The following NAV2 variants were observed in gnomAD, a reference collection of about 807,000 sequenced individuals.
NAV2 encodes the protein neuron navigator 2.
Under a neutral mutation model 223.2 loss-of-function variants are expected in NAV2, and 54 were observed. The ratio of observed to expected loss-of-function variants is 0.24; its 90% CI spans 0.19 to 0.30. NAV2 has a LOEUF of 0.30. Ranked by LOEUF, NAV2 falls within the 10% of genes least tolerant of loss-of-function variation. The pLI is 1.00. For synonymous variants in NAV2, 1,279 were observed against 1,239.3 expected (o/e 1.03, Z -0.67); for missense variants, 2,806 against 3,147.5 (o/e 0.89, Z 2.60).
intron 1 of NAV2, among the ~76,000 whole-genome samples, chr11:19,365,280 C>G (rs1564879847): frequency 1.3e-5 from 2 of 152,204 alleles, no homozygotes; most frequent in African/African-American, 4.8e-5. Flanking sequence ...CCATTTGAAA[C>G]CTTCTCTATC....
intron 1 of NAV2, among the ~76,000 whole-genome samples, chr11:19,744,642 C>G (rs1453236096): frequency 1.3e-5 from 2 of 152,138 alleles, no homozygotes; most frequent in African/African-American, 4.8e-5. Flanking sequence ...CAACCTCACC[C>G]CACTGTCTCA....
At chr11:20,033,399 A>C (rs938880794) in intron 11 of NAV2, among the ~76,000 whole-genome samples, 13 of 152,228 alleles carry the variant, frequency 8.5e-5, no homozygotes, top group Admixed American at 7.8e-4. Flanking sequence ...AAGCAAATAG[A>C]AATGTGTGAC....
chr11:19,871,486 A>G (rs1292872991), intron 4 of NAV2, among the ~76,000 whole-genome samples: 1 of 152,124 alleles, frequency 6.6e-6, no homozygotes, highest in East Asian at 1.9e-4. Flanking sequence ...TGCTGTCCTC[A>G]GTATACATCA....
chr11:20,018,054 T>A (rs568337525), intron 11 of NAV2, among the ~76,000 whole-genome samples: 31 of 152,116 alleles, frequency 2.0e-4, no homozygotes, highest in Non-Finnish European at 3.7e-4. Context: ...AAACAAAAAG[T>A]CAGTATAAAA....
At chr11:19,958,363 G>A (rs2048060351) in intron 10 of NAV2, among the ~76,000 whole-genome samples, 1 of 152,214 alleles carries the variant, frequency 6.6e-6, no homozygotes, top group Admixed American at 6.5e-5. Flanking sequence ...AGATCCTAAC[G>A]CTGTGAAGGA....
At chr11:19,349,125 T>C (rs1853152074), upstream of NAV2, among the ~76,000 whole-genome samples, 1 of 152,230 alleles carries the variant, frequency 6.6e-6, no homozygotes, top group Admixed American at 6.5e-5. Context: ...CACTCTTGGG[T>C]ATACAAGATA....
intron 8 of NAV2, among the ~76,000 whole-genome samples, 189 bp from the exon 9 acceptor site, chr11:19,946,212 C>A (rs533953283): frequency 3.9e-5 from 6 of 152,202 alleles, no homozygotes; most frequent in African/African-American, 1.4e-4. Flanking sequence ...CCCTGGACTT[C>A]ACACTTCCTT....
At chr11:20,068,093 C>T in intron 20 of NAV2, 93 bp from the exon 21 acceptor site, 3 of 1,116,512 alleles carry the variant, frequency 2.7e-6, no homozygotes, top group Non-Finnish European at 4.1e-6. Flanking sequence ...TTCCAGACTG[C>T]TGCAACCATC....
chr11:19,488,669 G>A (rs1277620204), intron 1 of NAV2, among the ~76,000 whole-genome samples: 3 of 152,130 alleles, frequency 2.0e-5, no homozygotes, highest in African/African-American at 7.2e-5. Flanking sequence ...ATAATGCATA[G>A]AAAATTAGCA....
chr11:19,616,334 G>GTGTGTA, intron 1 of NAV2, among the ~76,000 whole-genome samples: 1 of 148,826 alleles, frequency 6.7e-6, no homozygotes, highest in South Asian at 2.2e-4. Context: ...GTGTGTGTGT[G>GTGTGTA]TGCGCGCGCA....
At chr11:19,870,258 C>T (rs1838052) in intron 4 of NAV2, among the ~76,000 whole-genome samples, 99,177 of 151,934 alleles carry the variant, frequency 0.65, 32,446 homozygotes, top group Non-Finnish European at 0.66. Context: ...TGCTGGGGGG[C>T]GGGGGTTTGC....
intron 1 of NAV2, among the ~76,000 whole-genome samples, chr11:19,362,765 A>G (rs1225744054): frequency 2.0e-5 from 3 of 152,162 alleles, no homozygotes; most frequent in African/African-American, 7.2e-5. Flanking sequence ...AACATAGGGT[A>G]ATAATAGTAT....
intron 1 of NAV2, among the ~76,000 whole-genome samples, chr11:19,660,350 G>A (rs570423599): frequency 3.3e-5 from 5 of 152,166 alleles, no homozygotes; most frequent in Non-Finnish European, 7.3e-5. Context: ...CTTTTCTCGT[G>A]TGACTCAGGA....
At chr11:19,728,791 G>C (rs1410533876) in intron 1 of NAV2, among the ~76,000 whole-genome samples, 1 of 152,206 alleles carries the variant, frequency 6.6e-6, no homozygotes, top group East Asian at 1.9e-4. Flanking sequence ...ATCCTCTCAA[G>C]AAAAGTCCAA....
intron 6 of NAV2, among the ~76,000 whole-genome samples, chr11:19,901,031 A>T (rs1350209781): frequency 6.6e-6 from 1 of 152,256 alleles, no homozygotes; most frequent in Non-Finnish European, 1.5e-5. Context: ...TAATCCAATT[A>T]AAACTCTAGA....
rs1275859450 is a variant in NAV2 at position 19,452,206 on chromosome 11, A to G, written c.75+101179A>G. On this transcript the variant is annotated intron_variant, in intron 1 of 37. Coordinates refer to the NAV2 transcript ENST00000360655. Reference sequence around the variant, plus strand: ...TCCAGTCTTTTCACCTAAGTGGATAACCCTCCAGAGATCAGTTGAACTAAA... The same window carrying G: ...TCCAGTCTTTTCACCTAAGTGGATAGCCCTCCAGAGATCAGTTGAACTAAA... 2.6e-5 allele frequency among the ~76,000 whole-genome samples: 4 copies of G among 151,742 alleles called. No individual in the cohort carries two copies. In the East Asian group the frequency reaches 7.7e-4, roughly 29 times the overall value.
intron 1 of NAV2, among the ~76,000 whole-genome samples, chr11:19,490,554 GT>G (rs1368800988): frequency 1.3e-5 from 2 of 152,144 alleles, no homozygotes; most frequent in African/African-American, 2.4e-5. Context: ...TAAGTTTATT[GT>G]GAGATTGCAG....
chr11:20,031,767 ATTC>A (rs1483607961), intron 11 of NAV2, among the ~76,000 whole-genome samples: 1 of 150,484 alleles, frequency 6.6e-6, no homozygotes, highest in Non-Finnish European at 1.5e-5. Flanking sequence ...TGTGTGCTTC[ATTC>A]TTCTCAGCGT....
At chr11:19,961,543 T>G (rs2048351064) in intron 10 of NAV2, among the ~76,000 whole-genome samples, 1 of 152,178 alleles carries the variant, frequency 6.6e-6, no homozygotes, top group South Asian at 2.1e-4. Flanking sequence ...GAACCTCTCA[T>G]CAAGCTGTTC....
Sources: gnomAD v4.1 joint callset for allele counts (sites outside exome capture counted in the v4.1 genomes callset) on GRCh38, gnomAD v4.1.1 for gene constraint, MANE v1.5 for transcripts, NCBI Gene and HGNC (gene_info 2026-07-23, HGNC 2026-07-21) for gene names.